The following PTPRN2 variants were observed in gnomAD, a reference collection of about 807,000 sequenced individuals.
PTPRN2 encodes the protein protein tyrosine phosphatase receptor type N2.
In PTPRN2, 74 loss-of-function variants were observed where a neutral mutation model predicts 118.8. The observed-to-expected ratio is 0.62, with a 90% CI of 0.52 to 0.76. The LOEUF is 0.76. Among genes scored for constraint, PTPRN2 ranks in the 30% least tolerant of loss-of-function variants. PTPRN2 has a pLI of 0.00. For synonymous variants in PTPRN2, 641 were observed against 608.0 expected, an observed-to-expected ratio of 1.05 and a Z score of -0.80; for missense variants, 1,481 against 1,394.4, an observed-to-expected ratio of 1.06 and a Z score of -0.99.
At chr7:158,059,872 C>T (rs867069655) in intron 11 of PTPRN2, among the ~76,000 whole-genome samples, 37 of 113,502 alleles carry the variant, frequency 3.3e-4, no homozygotes, top group Non-Finnish European at 5.2e-4. Flanking sequence ...CATCTGCCCA[C>T]GGTGAGACAT....
At chr7:158,271,344 T>C (rs925917186) in intron 3 of PTPRN2, among the ~76,000 whole-genome samples, 2 of 152,206 alleles carry the variant, frequency 1.3e-5, no homozygotes, top group Non-Finnish European at 2.9e-5. Flanking sequence ...TATCCGACAA[T>C]CGGCAGATCC....
At chr7:157,908,167 G>A (rs767531782) in intron 11 of PTPRN2, among the ~76,000 whole-genome samples, 7 of 152,224 alleles carry the variant, frequency 4.6e-5, no homozygotes, top group East Asian at 1.9e-4. Context: ...GGATCTTGCA[G>A]AGACCCCAAC....
At chr7:157,783,561 T>C (rs910589487) in intron 12 of PTPRN2, among the ~76,000 whole-genome samples, 6 of 149,990 alleles carry the variant, frequency 4.0e-5, no homozygotes, top group Admixed American at 3.3e-4. Context: ...ATTCTGAGCA[T>C]GCAGGGGCCA....
intron 12 of PTPRN2, among the ~76,000 whole-genome samples, chr7:157,753,762 G>T (rs528343314): frequency 6.6e-6 from 1 of 152,182 alleles, no homozygotes; most frequent in South Asian, 2.1e-4. Flanking sequence ...CCCAGATCGT[G>T]GCATGCGTGC....
rs1322136247 is a variant in PTPRN2 at position 157,729,698 on chromosome 7, T to A, written c.1789-46761A>T. On this transcript the variant is annotated intron_variant, in intron 12 of 22. Coordinates refer to ENST00000389418, the MANE Select transcript of PTPRN2 (RefSeq NM_002847.5). This position sits in a 1 kb window ranked among gnomAD's most constrained non-coding sequence, Gnocchi z 4.3. ...GGGAGGGTCGCTAGGGTGAGGACGC[T>A]GAGAGCCCATGTGCTGGAAAGGACC... Among the ~76,000 whole-genome samples, 1 of 152,134 alleles carries A rather than the reference T, an allele frequency of 6.6e-6. No homozygotes were observed. Among genetic ancestry groups the A allele is most frequent in the African/African-American group, 2.4e-5 (1 of 41,406 alleles).
chr7:158,506,943 C>T (rs1376336473), intron 1 of PTPRN2, among the ~76,000 whole-genome samples: 3 of 152,228 alleles, frequency 2.0e-5, no homozygotes, highest in African/African-American at 7.2e-5. Context: ...AAGGACACCG[C>T]TCTGGTTCGG....
intron 10 of PTPRN2, among the ~76,000 whole-genome samples, chr7:158,091,756 G>A (rs1339724753): frequency 7.1e-6 from 1 of 141,394 alleles, no homozygotes; most frequent in Admixed American, 7.1e-5. Flanking sequence ...GATAGGTGAT[G>A]GATGGGTAGA....
intron 2 of PTPRN2, among the ~76,000 whole-genome samples, chr7:158,410,984 A>AGACACAGGGAAG (rs1814029531): frequency 2.0e-5 from 3 of 152,294 alleles, no homozygotes; most frequent in East Asian, 1.9e-4. Flanking sequence ...CCAGACATGG[A>AGACACAGGGAAG]GCGTGAGTAG....
intron 12 of PTPRN2, among the ~76,000 whole-genome samples, chr7:157,791,932 A>G (rs1804530956): frequency 6.6e-6 from 1 of 152,200 alleles, no homozygotes; most frequent in Non-Finnish European, 1.5e-5. Context: ...ATGTACGGAA[A>G]ATATGTGCGG....
chr7:157,679,348 A>T (rs6948747), intron 13 of PTPRN2, among the ~76,000 whole-genome samples: 84,127 of 151,944 alleles, frequency 0.55, 24,270 homozygotes, highest in Non-Finnish European at 0.65. Context: ...AATACACCCA[A>T]TTTTTGCTCC....
At chr7:158,447,743 G>A (rs966775228) in intron 2 of PTPRN2, among the ~76,000 whole-genome samples, 1 of 152,262 alleles carries the variant, frequency 6.6e-6, no homozygotes, top group Non-Finnish European at 1.5e-5. Flanking sequence ...CAGTGAAGAC[G>A]AAGGCTGCCC....
chr7:158,069,591 C>CA (rs1316631138), intron 11 of PTPRN2, among the ~76,000 whole-genome samples: 5 of 151,956 alleles, frequency 3.3e-5, no homozygotes, highest in Non-Finnish European at 7.4e-5. Flanking sequence ...GCTGGGATGA[C>CA]AGGCATGGCC....
intron 12 of PTPRN2, among the ~76,000 whole-genome samples, chr7:157,818,278 G>A (rs529041021): frequency 2.0e-5 from 3 of 152,196 alleles, no homozygotes; most frequent in Admixed American, 1.3e-4. Context: ...GGTAGATGCC[G>A]GCAGTGTGTT....
At chr7:157,745,943 G>C (rs1800899808) in intron 12 of PTPRN2, among the ~76,000 whole-genome samples, 2 of 151,936 alleles carry the variant, frequency 1.3e-5, no homozygotes, top group South Asian at 4.1e-4. Flanking sequence ...ACAGGGCCTT[G>C]AGTGTGGAGA....
intron 12 of PTPRN2, among the ~76,000 whole-genome samples, chr7:157,828,026 C>T (rs576683744): frequency 4.9e-4 from 75 of 152,358 alleles, no homozygotes; most frequent in African/African-American, 1.7e-3. Flanking sequence ...GGCGTCCCCA[C>T]CGTGGGACCT....
At chr7:158,466,878 T>G (rs553213273) in intron 2 of PTPRN2, among the ~76,000 whole-genome samples, 3 of 152,154 alleles carry the variant, frequency 2.0e-5, no homozygotes, top group Admixed American at 6.5e-5. Context: ...CCATCTCTAC[T>G]AAAAATATAA....
chr7:158,411,486 G>A (rs116988834), intron 2 of PTPRN2, among the ~76,000 whole-genome samples: 3,486 of 152,190 alleles, frequency 0.023, 57 homozygotes, highest in South Asian at 0.036. Flanking sequence ...CAGCACTCAC[G>A]GCTCACCTCC....
chr7:157,633,515 C>G (rs1804096070), intron 14 of PTPRN2, among the ~76,000 whole-genome samples: 1 of 152,206 alleles, frequency 6.6e-6, no homozygotes, highest in African/African-American at 2.4e-5. Flanking sequence ...TGATTTCAGA[C>G]AACAGTGAGT....
chr7:157,679,149 G>GA (rs1023471232), intron 13 of PTPRN2, among the ~76,000 whole-genome samples: 2 of 150,820 alleles, frequency 1.3e-5, no homozygotes, highest in African/African-American at 4.9e-5. Context: ...ATGCCAATTT[G>GA]AAAAAAAAGA....
Sources: allele counts gnomAD v4.1 joint callset (sites outside exome capture counted in the v4.1 genomes callset), GRCh38; gene constraint gnomAD v4.1.1; non-coding constraint Gnocchi (gnomAD v3.1); transcripts MANE v1.5; gene names NCBI Gene and HGNC (gene_info 2026-07-23, HGNC 2026-07-21).